The following IL5RA variants were observed in gnomAD, a reference collection of about 807,000 sequenced individuals.
IL5RA encodes the protein interleukin-5 receptor subunit alpha.
Under a neutral mutation model 50.0 loss-of-function variants are expected in IL5RA, and 49 were observed. The observed-to-expected ratio is 0.98, with a 90% CI of 0.78 to 1.24. The LOEUF is 1.24. Ranked by LOEUF, IL5RA falls within the 50% of genes most tolerant of loss-of-function variation. The pLI, the probability that IL5RA is intolerant of heterozygous loss-of-function variation, is 0.00. For synonymous variants in IL5RA, 202 were observed against 174.0 expected (o/e 1.16, Z -1.26); for missense variants, 600 against 500.4 (o/e 1.20, Z -1.90).
intron 11 of IL5RA, among the ~76,000 whole-genome samples, chr3:3,072,309 C>G (rs550160603): frequency 6.6e-6 from 1 of 152,338 alleles, no homozygotes; most frequent in South Asian, 2.1e-4. Context: ...CAGTCTCTAA[C>G]TGCTTTGTTT....
intron 4 of IL5RA, 119 bp downstream of exon 4, chr3:3,102,556 A>T: frequency 1.5e-6 from 1 of 683,336 alleles, no homozygotes; most frequent in Non-Finnish European, 2.4e-6. Context: ...TACTGGTAAC[A>T]TAACATAGAG....
At chr3:3,094,073 C>A (rs1393944277) in intron 8 of IL5RA, among the ~76,000 whole-genome samples, 2 of 152,068 alleles carry the variant, frequency 1.3e-5, no homozygotes, top group Non-Finnish European at 2.9e-5. Context: ...CAGTTCCTTT[C>A]CCCTTGAAAT....
At chr3:3,084,986 C>G (rs546201238) in intron 9 of IL5RA, among the ~76,000 whole-genome samples, 4 of 152,246 alleles carry the variant, frequency 2.6e-5, no homozygotes, top group Non-Finnish European at 5.9e-5. Flanking sequence ...CCTGAAAGCA[C>G]TGTGGGAACT....
intron 5 of IL5RA, among the ~76,000 whole-genome samples, chr3:3,099,231 C>G (rs551107377): frequency 6.6e-6 from 1 of 152,304 alleles, no homozygotes; most frequent in South Asian, 2.1e-4. Flanking sequence ...GCACGGTGCT[C>G]ATGCCTGTAA....
rs566818854 is a variant in IL5RA, at chr3:3,099,991, T to C, written c.367+1701A>G. Among the ~76,000 whole-genome samples the C allele has an allele frequency of 3.9e-5, 6 of 152,280 alleles. No homozygotes were observed. The South Asian group carries it at 1.0e-3, about 26-fold the overall frequency. ...GGCCAAGATTTTAAATGCAACCTTT[T>C]TATGTTTGCTTCATTAAGGATTTCT... is the stretch of plus-strand genomic sequence containing the variant. On this transcript the variant is annotated intron_variant, in intron 5 of 11. Coordinates refer to ENST00000446632, the MANE Select transcript of IL5RA (RefSeq NM_175726.4).
In IL5RA at chr3:3,067,229, A is replaced by C. The variant is rs1443215924; in HGVS notation, c.*2996T>G. 6.6e-6 allele frequency: 1 copy of C among 152,196 alleles called. No individual in the cohort carries two copies. The highest frequency in any genetic ancestry group is 6.5e-5 in the Admixed American group (1 of 15,282). The allele number at this position is 152,196 out of a possible 1,614,324, so 9.4% of individuals were successfully genotyped here. A position where few individuals can be genotyped will look rare whatever the true frequency, so the allele number is the denominator to read the frequency against. ...AAAAACATCCAGGTTGCAGTAGCCC[A>C]GTTGTTAGGCACATGTGTCTCCTGG... On this transcript the variant is annotated 3_prime_UTR_variant, in exon 12 of 12. Transcript: ENST00000446632.
At chr3:3,071,647 T>G (rs1164147046) in intron 11 of IL5RA, among the ~76,000 whole-genome samples, 1 of 149,214 alleles carries the variant, frequency 6.7e-6, no homozygotes, top group African/African-American at 2.5e-5. Context: ...TGCAGTGCAG[T>G]GGCACAATCT....
intron 7 of IL5RA, among the ~76,000 whole-genome samples, chr3:3,097,027 T>A (rs1470303002): frequency 6.6e-6 from 1 of 152,122 alleles, no homozygotes; most frequent in Non-Finnish European, 1.5e-5. Context: ...GGAGCCAGGA[T>A]CCAAATCCAG....
chr3:3,095,578 T>C (rs908023367), intron 7 of IL5RA, 134 bp from the exon 8 acceptor site: 69 of 720,074 alleles, frequency 9.6e-5, no homozygotes, highest in Non-Finnish European at 1.5e-4. Context: ...CAGGTCTTAA[T>C]CAACTGATCT....
intron 9 of IL5RA, among the ~76,000 whole-genome samples, chr3:3,078,010 T>A (rs1478425174): frequency 6.6e-6 from 1 of 152,170 alleles, no homozygotes; most frequent in African/African-American, 2.4e-5. Flanking sequence ...TTACTGGGAT[T>A]CAGTGGTCGA....
chr3:3,098,196 G>C lies in IL5RA; in HGVS notation c.462C>G (p.His154Gln), dbSNP rs1299158974. ...SRLRSYQVSL[H>Q]CTWLVGTDAP... ...CATCTGTGCCAACAAGCCAGGTGCA[G>C]TGAAGGGAAACTTGGTATGACCTTA... The change falls in exon 6 of 12, where the codon CAC becomes CAG. Residue 154 changes from histidine (H) to glutamine (Q), a missense_variant. Coordinates refer to ENST00000446632, the MANE Select transcript of IL5RA (RefSeq NM_175726.4). 6.2e-7 allele frequency: 1 copy of C among 1,614,156 alleles called. No individual in the cohort carries two copies. The highest frequency in any genetic ancestry group is 1.7e-5 in the Admixed American group (1 of 60,014).
intron 7 of IL5RA, among the ~76,000 whole-genome samples, chr3:3,097,075 T>A (rs1240700670): frequency 3.9e-5 from 6 of 152,206 alleles, no homozygotes; most frequent in African/African-American, 1.4e-4. Flanking sequence ...CCACCCACCA[T>A]TGAAATCTGG....
chr3:3,087,155 C>G (rs1395443236), intron 9 of IL5RA, among the ~76,000 whole-genome samples: 1 of 152,162 alleles, frequency 6.6e-6, no homozygotes, highest in African/African-American at 2.4e-5. Context: ...AAAGCCCAGA[C>G]TTAACCACTA....
chr3:3,074,757 A>G (rs764469899), intron 11 of IL5RA, 25 bp downstream of exon 11: 4 of 1,367,598 alleles, frequency 2.9e-6, no homozygotes, highest in South Asian at 2.3e-5. Context: ...CACATACGGC[A>G]TATCATAAGA....
chr3:3,090,367 C>G lies in IL5RA; in HGVS notation c.994+1857G>C, dbSNP rs1703035379. On this transcript the variant is annotated intron_variant, in intron 9 of 11. Transcript: ENST00000446632. ...AGGCTCCAGTCTTCTTCCCACCATC[C>G]CATGCTCTTATAGACCTAGTGCAAC... 3.9e-6 allele frequency: 3 copies of G among 776,054 alleles called. No homozygotes were observed. In the African/African-American group the frequency reaches 5.3e-5, roughly 14 times the overall value. The allele number at this position is 776,054 out of a possible 1,614,324, so 48.1% of individuals were successfully genotyped here.
In IL5RA at chr3:3,068,648, A is replaced by C. The variant is rs1702203396; in HGVS notation, c.*1577T>G. On this transcript the variant is annotated 3_prime_UTR_variant, in exon 12 of 12. Transcript: ENST00000446632. Reference sequence around the variant, plus strand: ...AGATTATGAATCATTTGAGTGACCAAACATTTTAAACATTTTGCCAACTAT... The same window carrying C: ...AGATTATGAATCATTTGAGTGACCACACATTTTAAACATTTTGCCAACTAT... 1 of 151,286 alleles carries C rather than the reference A, an allele frequency of 6.6e-6. No homozygotes were observed. Among genetic ancestry groups the C allele is most frequent in the Non-Finnish European group, 1.5e-5 (1 of 67,950 alleles). 9.4% of individuals were successfully genotyped at this position (151,286 alleles called of 1,614,324 possible). A position where few individuals can be genotyped will look rare whatever the true frequency, so the allele number is the denominator to read the frequency against.
chr3:3,072,163 G>A (rs893673804), intron 11 of IL5RA, among the ~76,000 whole-genome samples: 1 of 152,206 alleles, frequency 6.6e-6, no homozygotes, highest in Non-Finnish European at 1.5e-5. Flanking sequence ...GGCTGTGCAC[G>A]GCCTCATGGG....
chr3:3,076,923 A>G (rs1206687267), intron 9 of IL5RA, among the ~76,000 whole-genome samples: 4 of 152,236 alleles, frequency 2.6e-5, no homozygotes, highest in African/African-American at 7.2e-5. Context: ...CATTCATTCC[A>G]TGTACTGTGC....
At position 3,092,685 on chromosome 3, in the gene IL5RA, C is replaced by T. The variant is rs554694079; in HGVS notation, c.856-323G>A. On this transcript the variant is annotated intron_variant, in intron 8 of 11. Coordinates refer to ENST00000446632, the MANE Select transcript of IL5RA (RefSeq NM_175726.4). The surrounding 1 kb of genome is among the most constrained non-coding windows in gnomAD (Gnocchi z 4.2). ...ATGCTAGAATGCATTATTCCCTCAC[C>T]TTGTCTCTCCATAATCTATAGTCAC... Among the ~76,000 whole-genome samples, 33 of 152,310 alleles carry T rather than the reference C, an allele frequency of 2.2e-4. 1 individual carries two copies. The South Asian group carries it at 4.6e-3, about 21-fold the overall frequency.
Sources: gnomAD v4.1 joint callset for allele counts (sites outside exome capture counted in the v4.1 genomes callset) on GRCh38, gnomAD v4.1.1 for gene constraint, Gnocchi (gnomAD v3.1) non-coding constraint, MANE v1.5 for transcripts, NCBI Gene and HGNC (gene_info 2026-07-23, HGNC 2026-07-21) for gene names.